Variants in LRRK1 observed in about 807,000 individuals in gnomAD.
LRRK1 encodes leucine rich repeat kinase 1.
In LRRK1, 113 loss-of-function variants were observed where a neutral mutation model predicts 209.1. The ratio of observed to expected loss-of-function variants is 0.54; its 90% CI spans 0.46 to 0.63. The LOEUF is 0.63. Ranked by LOEUF, LRRK1 falls within the 30% of genes least tolerant of loss-of-function variation. LRRK1 has a pLI of 0.00. For missense variants in LRRK1, 2,284 were observed against 2,632.2 expected, an observed-to-expected ratio of 0.87 and a Z score of 2.89; for synonymous variants, 1,144 against 1,099.7, an observed-to-expected ratio of 1.04 and a Z score of -0.80.
intron 21 of LRRK1, among the ~76,000 whole-genome samples, chr15:101,047,154 T>C (rs1010114633): frequency 1.6e-4 from 25 of 152,358 alleles, no homozygotes; most frequent in Middle Eastern, 3.4e-3. Context: ...TTACTGTTGC[T>C]ACATCCTAAT....
intron 2 of LRRK1, among the ~76,000 whole-genome samples, chr15:100,966,961 T>C (rs1444608045): frequency 2.6e-5 from 4 of 152,262 alleles, no homozygotes; most frequent in African/African-American, 9.6e-5. Flanking sequence ...TGTTTGTATG[T>C]ATGTTCCTAA....
chr15:101,003,130 AC>A, intron 6 of LRRK1, among the ~76,000 whole-genome samples: 1 of 152,334 alleles, frequency 6.6e-6, no homozygotes, highest in Middle Eastern at 3.4e-3. Context: ...CAAGAAAATA[AC>A]TTTTGTAAAT....
At chr15:100,992,903 C>T (rs1321714617) in intron 6 of LRRK1, among the ~76,000 whole-genome samples, 3 of 152,148 alleles carry the variant, frequency 2.0e-5, no homozygotes, top group Non-Finnish European at 4.4e-5. Context: ...TCAGGTGATC[C>T]ACCCGCCTCG....
chr15:101,048,364 G>A (rs775209213), intron 21 of LRRK1, 130 bp from the exon 22 acceptor site: 65 of 712,336 alleles, frequency 9.1e-5, no homozygotes, highest in Non-Finnish European at 1.3e-4. Flanking sequence ...GATGAGCAGC[G>A]TGGGAGGAGA....
At chr15:100,937,826 C>T (rs1008713086) in intron 2 of LRRK1, among the ~76,000 whole-genome samples, 18 of 151,842 alleles carry the variant, frequency 1.2e-4, no homozygotes, top group Non-Finnish European at 4.4e-5. Flanking sequence ...TGAGCCACTG[C>T]GCCCAGCCTA....
intron 2 of LRRK1, among the ~76,000 whole-genome samples, chr15:100,946,994 G>A (rs1371031474): frequency 6.6e-6 from 1 of 150,814 alleles, no homozygotes; most frequent in Non-Finnish European, 1.5e-5. Context: ...TTTTTGAGAC[G>A]GAGTCCTGCT....
chr15:101,053,127 T>C, intron 25 of LRRK1, 39 bp downstream of exon 25: 2 of 1,593,214 alleles, frequency 1.3e-6, no homozygotes, highest in South Asian at 1.1e-5. Flanking sequence ...TTCTCAGACA[T>C]ATGCTGCCCG....
At chr15:100,923,152 C>T (rs2042048864) in intron 1 of LRRK1, among the ~76,000 whole-genome samples, 1 of 152,186 alleles carries the variant, frequency 6.6e-6, no homozygotes, top group African/African-American at 2.4e-5. Context: ...ACCACCCCAG[C>T]CCTGTCGTAG....
chr15:101,018,140 T>G (rs1354056232), intron 12 of LRRK1, among the ~76,000 whole-genome samples: 2 of 146,866 alleles, frequency 1.4e-5, no homozygotes, highest in Non-Finnish European at 1.5e-5. Context: ...CAAATTGGCT[T>G]AAGTCCCTGA....
At chr15:100,982,959 G>A (rs1316751051) in intron 3 of LRRK1, among the ~76,000 whole-genome samples, 1 of 152,208 alleles carries the variant, frequency 6.6e-6, no homozygotes, top group African/African-American at 2.4e-5. Context: ...GATCAGTTGA[G>A]CTCAGAAGTT....
At chr15:100,972,363 A>AGAGAGAGAGTGTGTGTGT (rs1176201849) in intron 2 of LRRK1, among the ~76,000 whole-genome samples, 18 of 98,488 alleles carry the variant, frequency 1.8e-4, no homozygotes, top group Non-Finnish European at 3.1e-4. Context: ...AGAGAGAGAG[A>AGAGAGAGAGTGTGTGTGT]GTGTGTGTGT....
chr15:100,948,495 A>T (rs1233935540), intron 2 of LRRK1, among the ~76,000 whole-genome samples: 1 of 152,184 alleles, frequency 6.6e-6, no homozygotes, highest in Non-Finnish European at 1.5e-5. Flanking sequence ...TTGTTTCCTC[A>T]TATTAACCCT....
intron 6 of LRRK1, among the ~76,000 whole-genome samples, chr15:100,998,221 G>T (rs1300170489): frequency 6.6e-6 from 1 of 151,666 alleles, no homozygotes; most frequent in Non-Finnish European, 1.5e-5. Context: ...ATATCTGGTG[G>T]CAGGGAAAGA....
rs200335851 is a variant in LRRK1 at position 101,053,379 on chromosome 15, C to T, written c.4013C>T (p.Pro1338Leu). 8 of 1,600,182 alleles carry T rather than the reference C, an allele frequency of 5.0e-6. No homozygotes were observed. The highest frequency in any genetic ancestry group is 2.2e-5 in the East Asian group (1 of 44,836). The stretch of plus-strand genomic sequence containing the variant: ...CTCTGCTTCGCCCTGGAGCTCGCGC[C>T]GCTCAGCAGCCTCAACACCGTGCTG... ...HPLCFALELA[P>L]LSSLNTVLSE... Residue 1338 changes from proline (P) to leucine (L), a missense_variant, in exon 26 of 34, where the codon CCG becomes CTG. Around this residue, in one of 6 missense-constraint regions of LRRK1, gnomAD observed 780 missense variants for 985.2 expected, o/e 0.79. Transcript: ENST00000388948.
At chr15:100,981,971 G>A (rs979050932) in intron 3 of LRRK1, among the ~76,000 whole-genome samples, 4 of 152,216 alleles carry the variant, frequency 2.6e-5, no homozygotes, top group African/African-American at 7.2e-5. Context: ...TTGTAAATCT[G>A]TGGAGGCCAG....
intron 6 of LRRK1, 160 bp downstream of exon 6, chr15:100,989,558 T>C (rs1190518202): frequency 1.6e-5 from 11 of 699,112 alleles, no homozygotes; most frequent in Non-Finnish European, 2.6e-5. Context: ...GGTGAGGGCC[T>C]TCATGCAGTG....
chr15:101,011,167 CACATA>C (rs2033219094), intron 9 of LRRK1, among the ~76,000 whole-genome samples: 1 of 152,072 alleles, frequency 6.6e-6, no homozygotes, highest in African/African-American at 2.4e-5. Context: ...GGACAACTAT[CACATA>C]AGAGTAAGAA....
intron 5 of LRRK1, 149 bp downstream of exon 5, chr15:100,988,962 A>G: frequency 1.4e-6 from 1 of 727,226 alleles, no homozygotes; most frequent in South Asian, 2.0e-5. Flanking sequence ...TTCTTTTTCA[A>G]AATATCTGCA....
Position 101,022,214 on chromosome 15 carries a change from G to A in LRRK1, c.1853-169G>A, listed in dbSNP as rs532313689. 1.6e-4 allele frequency: 110 copies of A among 694,912 alleles called. No individual in the cohort carries two copies. Among genetic ancestry groups the A allele is most frequent in the Non-Finnish European group, 2.4e-4 (98 of 416,074 alleles). The allele number at this position is 694,912 out of a possible 1,614,324, so 43.0% of individuals were successfully genotyped here. The stretch of plus-strand genomic sequence containing the variant: ...CATAGGTTCTTGCCTCTTAGAGTTC[G>A]CTTTTAGGGTGGTTAGTGTCATGCC... On this transcript the variant is annotated intron_variant, in intron 14 of 33. Transcript: ENST00000388948. This position sits in a 1 kb window ranked among gnomAD's most constrained non-coding sequence, Gnocchi z 4.0.
Sources: allele counts gnomAD v4.1 joint callset (sites outside exome capture counted in the v4.1 genomes callset), GRCh38; gene constraint gnomAD v4.1.1; regional missense constraint gnomAD v4.1.1; non-coding constraint Gnocchi (gnomAD v3.1); transcripts MANE v1.5; gene names NCBI Gene and HGNC (gene_info 2026-07-23, HGNC 2026-07-21).